Variants in CHN2 observed in about 807,000 individuals in gnomAD.
The protein encoded by CHN2 is chimerin 2.
Under a neutral mutation model 56.3 loss-of-function variants are expected in CHN2, and 35 were observed. That is an observed-to-expected ratio of 0.62 (90% CI 0.47 to 0.82). The LOEUF (loss-of-function observed/expected upper bound fraction) is 0.82. CHN2 is among the 40% of genes least tolerant of loss of function. CHN2 has a pLI of 0.00. For synonymous variants in CHN2, 210 were observed against 212.8 expected (o/e 0.99, Z 0.12); for missense variants, 491 against 580.5 (o/e 0.85, Z 1.58).
At chr7:29,453,207 C>A (rs768729687) in intron 6 of CHN2, among the ~76,000 whole-genome samples, 2 of 152,170 alleles carry the variant, frequency 1.3e-5, no homozygotes, top group Non-Finnish European at 2.9e-5. Context: ...ACGTCAGGGT[C>A]AGCCAGATAA....
chr7:29,253,891 T>C (rs1371170867), intron 1 of CHN2, among the ~76,000 whole-genome samples: 1 of 152,186 alleles, frequency 6.6e-6, no homozygotes, highest in Non-Finnish European at 1.5e-5. Flanking sequence ...GAGTAGATGC[T>C]AAATAAATGT....
intron 1 of CHN2, among the ~76,000 whole-genome samples, chr7:29,303,647 TC>T (rs1793905301): frequency 3.3e-5 from 5 of 152,198 alleles, no homozygotes; most frequent in Admixed American, 3.3e-4. Flanking sequence ...AGGACTTTCT[TC>T]AGAGCCTTGG....
chr7:29,444,801 T>A (rs926662974), intron 6 of CHN2, among the ~76,000 whole-genome samples: 4 of 152,186 alleles, frequency 2.6e-5, no homozygotes, highest in African/African-American at 9.7e-5. Flanking sequence ...ACCACACTAC[T>A]CTTGGACAGT....
At chr7:29,362,394 C>T (rs1224394442) in intron 2 of CHN2, among the ~76,000 whole-genome samples, 3 of 152,200 alleles carry the variant, frequency 2.0e-5, no homozygotes, top group Non-Finnish European at 4.4e-5. Context: ...TATAATATGC[C>T]TGGCACATGG....
rs78263122 is a variant in CHN2, at chr7:29,401,742, A to G, written c.576+914A>G. Among the ~76,000 whole-genome samples the G allele has an allele frequency of 9.7e-3, 1,482 of 152,320 alleles. 9 individuals carry two copies. Among genetic ancestry groups the G allele is most frequent in the Middle Eastern group, 0.014 (4 of 294 alleles). ...TTAAAAAACTCCTAAGTGGGCAAGT[A>G]TGCAGGCGGGGGGTAGATTGTGGCA... On this transcript the variant is annotated intron_variant, in intron 6 of 12. Transcript: ENST00000222792.
At chr7:29,484,124 C>A (rs1787687203) in intron 7 of CHN2, 1 of 373,828 alleles carries the variant, frequency 2.7e-6, no homozygotes, top group Non-Finnish European at 5.2e-6. Flanking sequence ...TCTCTTTCTT[C>A]TTCTCTCATT....
At chr7:29,431,980 C>A (rs1373726426) in intron 6 of CHN2, among the ~76,000 whole-genome samples, 1 of 152,228 alleles carries the variant, frequency 6.6e-6, no homozygotes, top group Non-Finnish European at 1.5e-5. Flanking sequence ...GGGATCTCAC[C>A]CTAAGATGGC....
At chr7:29,405,932 G>C (rs1317835650) in intron 6 of CHN2, among the ~76,000 whole-genome samples, 1 of 152,108 alleles carries the variant, frequency 6.6e-6, no homozygotes, top group Non-Finnish European at 1.5e-5. Context: ...AACAGAGGCC[G>C]TGGCCAGGCC....
At chr7:29,222,096 G>T (rs1355222461) in intron 1 of CHN2, among the ~76,000 whole-genome samples, 1 of 152,102 alleles carries the variant, frequency 6.6e-6, no homozygotes, top group African/African-American at 2.4e-5. Context: ...AATCAGGAAG[G>T]ATCTCCCATT....
chr7:29,289,936 A>AT (rs1352836655), intron 1 of CHN2, among the ~76,000 whole-genome samples: 1 of 152,244 alleles, frequency 6.6e-6, no homozygotes, highest in Non-Finnish European at 1.5e-5. Context: ...GAAACAAGTA[A>AT]TTGAGTTTGT....
intron 1 of CHN2, among the ~76,000 whole-genome samples, chr7:29,299,327 CTTGT>C (rs1197691228): frequency 6.6e-6 from 1 of 152,144 alleles, no homozygotes; most frequent in Non-Finnish European, 1.5e-5. Flanking sequence ...TCATTGAAAT[CTTGT>C]TTATCATGTG....
chr7:29,194,109 C>T (rs970494790), upstream of CHN2: 1 of 152,676 alleles, frequency 6.5e-6, no homozygotes, highest in African/African-American at 2.4e-5. Context: ...GTGATCCCGC[C>T]TTCGCCCTCT....
At chr7:29,315,793 A>G (rs1244705067) in intron 1 of CHN2, among the ~76,000 whole-genome samples, 2 of 152,328 alleles carry the variant, frequency 1.3e-5, no homozygotes, top group East Asian at 3.9e-4. Flanking sequence ...CTTGCCTGCT[A>G]ATGGGGAATA....
chr7:29,260,288 C>T (rs1208966524), intron 1 of CHN2, among the ~76,000 whole-genome samples: 2 of 152,112 alleles, frequency 1.3e-5, no homozygotes, highest in South Asian at 2.1e-4. Flanking sequence ...TTCTATCTAA[C>T]TTCGGATTTG....
chr7:29,231,999 A>G (rs1381377826), intron 1 of CHN2, among the ~76,000 whole-genome samples: 2 of 152,220 alleles, frequency 1.3e-5, no homozygotes, highest in Non-Finnish European at 2.9e-5. Context: ...ACAAACAGCA[A>G]CAACTTTTCC....
chr7:29,236,560 G>T (rs554758585), intron 1 of CHN2, among the ~76,000 whole-genome samples: 138 of 152,318 alleles, frequency 9.1e-4, no homozygotes, highest in African/African-American at 3.2e-3. Context: ...GACCCTAGAA[G>T]ACCTAGGACA....
At chr7:29,175,410 G>A (rs1177437175) in intron 2 of CHN2, among the ~76,000 whole-genome samples, 1 of 151,940 alleles carries the variant, frequency 6.6e-6, no homozygotes, top group African/African-American at 2.4e-5. Context: ...TCCAGACTTC[G>A]GGTTTTCTGC....
chr7:29,325,417 G>T (rs1158075204), intron 1 of CHN2, among the ~76,000 whole-genome samples: 2 of 152,158 alleles, frequency 1.3e-5, no homozygotes, highest in Admixed American at 6.5e-5. Flanking sequence ...TCCTTAGTAG[G>T]AAAGCCAATG....
At chr7:29,306,494 A>C (rs749803283) in intron 1 of CHN2, among the ~76,000 whole-genome samples, 2 of 152,112 alleles carry the variant, frequency 1.3e-5, no homozygotes, top group Non-Finnish European at 2.9e-5. Flanking sequence ...CACTTAAGAG[A>C]GTGCTGATTG....
Sources: gnomAD v4.1 joint callset for allele counts (sites outside exome capture counted in the v4.1 genomes callset) on GRCh38, gnomAD v4.1.1 for gene constraint, MANE v1.5 for transcripts, NCBI Gene and HGNC (gene_info 2026-07-23, HGNC 2026-07-21) for gene names.